ZNFX1: variants seen among roughly 807,000 people sequenced by gnomAD.
The protein encoded by ZNFX1 is zinc finger NFX1-type containing 1.
A neutral mutation model predicts 179.8 loss-of-function variants in ZNFX1; 78 were observed. The observed-to-expected ratio is 0.43, with a 90% CI of 0.36 to 0.52. ZNFX1 has a LOEUF of 0.52. Among genes scored for constraint, ZNFX1 ranks in the 20% least tolerant of loss-of-function variants. The pLI, the probability that ZNFX1 is intolerant of heterozygous loss-of-function variation, is 0.00. For missense variants in ZNFX1, 1,927 were observed against 2,386.6 expected, an observed-to-expected ratio of 0.81 and a Z score of 4.01; for synonymous variants, 848 against 868.5, an observed-to-expected ratio of 0.98 and a Z score of 0.42.
chr20:49,262,040 TAA>T (rs11478099), intron 6 of ZNFX1, among the ~76,000 whole-genome samples: 4,100 of 148,646 alleles, frequency 0.028, 199 homozygotes, highest in African/African-American at 0.095. Flanking sequence ...ATCATATTGT[TAA>T]AAAAAAAAAA....
At position 49,251,589 on chromosome 20, in the gene ZNFX1, T is replaced by C. The variant is rs1432304992; in HGVS notation, c.3250A>G (p.Thr1084Ala). 1 of 1,611,916 alleles carries C rather than the reference T, an allele frequency of 6.2e-7. No homozygotes were observed. The highest frequency in any genetic ancestry group is 8.5e-7 in the Non-Finnish European group (1 of 1,179,068). The change falls in exon 13 of 14, where the codon ACC (threonine) becomes GCC (alanine). Residue 1084 changes from threonine to alanine, a missense_variant. Coordinates refer to ENST00000396105, the MANE Select transcript of ZNFX1 (RefSeq NM_021035.3). ...RMCPEIARLLTPHIYQDLENH... is the reference protein window; with the variant it reads ...RMCPEIARLLAPHIYQDLENH... Reference sequence around the variant, plus strand: ...TCCAGATCCTGGTAAATGTGGGGGGTCAAAAGGCGGGCAATTTCAGGGCAC... The same window carrying C: ...TCCAGATCCTGGTAAATGTGGGGGGCCAAAAGGCGGGCAATTTCAGGGCAC...
At chr20:49,263,282 C>T in intron 6 of ZNFX1, 52 bp downstream of exon 6, 1 of 1,591,238 alleles carries the variant, frequency 6.3e-7, no homozygotes. Flanking sequence ...TGGAGGCTAC[C>T]TCAAAGTACT....
chr20:49,275,438 T>C (rs1250066187), intron 2 of ZNFX1, among the ~76,000 whole-genome samples: 2 of 152,094 alleles, frequency 1.3e-5, no homozygotes, highest in Non-Finnish European at 2.9e-5. Context: ...CACCCCTTCC[T>C]GAGGTTCAAG....
chr20:49,264,693 G>A (rs1981194656), intron 5 of ZNFX1, 23 bp downstream of exon 5: 3 of 1,612,364 alleles, frequency 1.9e-6, no homozygotes, highest in African/African-American at 1.3e-5. Flanking sequence ...AACTACCCCA[G>A]ATATTTCAGA....
At chr20:49,263,214 A>T in intron 6 of ZNFX1, 120 bp downstream of exon 6, 1 of 1,269,372 alleles carries the variant, frequency 7.9e-7, no homozygotes, top group Non-Finnish European at 1.1e-6. Context: ...AGGGAACTTT[A>T]CACATTGTGG....
intron 11 of ZNFX1, among the ~76,000 whole-genome samples, chr20:49,253,230 C>G (rs1343204821): frequency 6.6e-6 from 1 of 152,064 alleles, no homozygotes; most frequent in African/African-American, 2.4e-5. Context: ...CTTTGTGGGC[C>G]ACTTTAAGAA....
chr20:49,266,668 A>ACCCCC (rs76320074), intron 3 of ZNFX1, among the ~76,000 whole-genome samples: 1 of 61,036 alleles, frequency 1.6e-5, no homozygotes, highest in African/African-American at 6.9e-5. Context: ...CATCCCCCCC[A>ACCCCC]CCCCCCCCTT....
At chr20:49,267,021 C>G (rs968756256) in intron 3 of ZNFX1, among the ~76,000 whole-genome samples, 4 of 152,170 alleles carry the variant, frequency 2.6e-5, no homozygotes, top group Non-Finnish European at 4.4e-5. Context: ...CTCAGCCTCC[C>G]AAGTAGCTGG....
At chr20:49,253,917 C>A in intron 10 of ZNFX1, 106 bp from the exon 11 acceptor site, 1 of 1,335,910 alleles carries the variant, frequency 7.5e-7, no homozygotes, top group South Asian at 1.3e-5. Flanking sequence ...GAACCTGCAT[C>A]AGCGACAGCT....
rs151164107 is a variant in ZNFX1 at position 49,271,641 on chromosome 20, G to A, written c.171C>T (p.Asn57=). 6.2e-7 allele frequency: 1 copy of A among 1,613,984 alleles called. No homozygotes were observed. The highest frequency in any genetic ancestry group is 1.1e-5 in the South Asian group (1 of 91,080). Residue 57 remains asparagine, a synonymous_variant, in exon 3 of 14, where the codon AAC becomes AAT. Transcript: ENST00000396105. ...ASHPGRHPRA[N]NHPAAYWQRE... ...TCTGCCAGTAAGCAGCAGGATGGTT[G>A]TTGGCCCTAGGATGCCTTCCAGGGT...
chr20:49,258,851 C>A (rs2146734149), intron 7 of ZNFX1, among the ~76,000 whole-genome samples: 1 of 151,640 alleles, frequency 6.6e-6, no homozygotes, highest in East Asian at 2.0e-4. Context: ...TGCCTGTAAT[C>A]CCAGCACTCT....
At chr20:49,252,581 AAC>A (rs1371443192) in intron 12 of ZNFX1, 137 bp downstream of exon 12, 1 of 610,522 alleles carries the variant, frequency 1.6e-6, no homozygotes, top group African/African-American at 1.8e-5. Context: ...GGTGTTTTAA[AAC>A]AGAAAATGTA....
Position 49,248,135 on chromosome 20 carries a change from A to G in ZNFX1, c.4889T>C (p.Leu1630Pro), listed in dbSNP as rs775657095. The G allele has an allele frequency of 1.2e-6, 2 of 1,614,052 alleles. No individual in the cohort carries two copies. The highest frequency in any genetic ancestry group is 2.2e-5 in the East Asian group (1 of 44,872). The change falls in exon 14 of 14, where the codon CTG becomes CCG. Residue 1630 changes from leucine to proline, a missense_variant. By Grantham distance (98) the Leu-to-Pro change is moderately conservative (BLOSUM62 -3). Coordinates refer to ENST00000396105, the MANE Select transcript of ZNFX1 (RefSeq NM_021035.3). The surrounding 1 kb of genome is among the most constrained non-coding windows in gnomAD (Gnocchi z 4.6). ...CTGTTTTATGCTAGTTCCATACCTCAGGTTTTTGCGGATGGGCACCTGGCA... is the reference window on the plus strand; with the variant it reads ...CTGTTTTATGCTAGTTCCATACCTCGGGTTTTTGCGGATGGGCACCTGGCA... The part of the protein sequence containing the change: ...PICQVPIRKN[L>P]RYGTSIKQRL...
chr20:49,247,218 G>A lies in ZNFX1; in HGVS notation c.*49C>T. 6.5e-7 allele frequency: 1 copy of A among 1,546,754 alleles called. No homozygotes were observed. Among genetic ancestry groups the A allele is most frequent in the Non-Finnish European group, 8.7e-7 (1 of 1,147,270 alleles). On this transcript the variant is annotated 3_prime_UTR_variant, in exon 14 of 14. Coordinates refer to ENST00000396105, the MANE Select transcript of ZNFX1 (RefSeq NM_021035.3). ...CTTCAGTTCCTTCATTAGGGAGCTG[G>A]CCCCAGTCATTCAGTGGCGAGGGCA...
chr20:49,257,391 G>A (rs1980993892), intron 8 of ZNFX1, 26 bp downstream of exon 8: 2 of 1,613,302 alleles, frequency 1.2e-6, no homozygotes, highest in Non-Finnish European at 1.7e-6. Flanking sequence ...TCTCAGGCCT[G>A]TTTCAACCCA....
chr20:49,259,343 C>T (rs1046901951), intron 7 of ZNFX1, among the ~76,000 whole-genome samples: 2 of 151,876 alleles, frequency 1.3e-5, no homozygotes, highest in African/African-American at 4.8e-5. Flanking sequence ...TTTTATATTA[C>T]TCATTTCCTT....
rs370310796 is a variant in ZNFX1, at chr20:49,249,613, C to T, written c.3411G>A (p.Val1137=). Residue 1137 remains valine, a synonymous_variant, in exon 14 of 14, where the codon GTG becomes GTA. Transcript: ENST00000396105. ...SHQNQHEAHF[V]VELCKYFLCQ... is the part of the protein sequence containing the mutation. ...ACAGGAAGTACTTGCACAGCTCTAC[C>T]ACAAAGTGAGCCTCATGCTGGTTCT... 9.0e-5 allele frequency: 146 copies of T among 1,614,210 alleles called. 2 individuals are homozygous for T. The highest frequency in any genetic ancestry group is 8.5e-4 in the South Asian group (77 of 91,086).
At position 49,249,502 on chromosome 20, in the gene ZNFX1, C is replaced by G. The variant is rs142834498; in HGVS notation, c.3522G>C (p.Lys1174Asn). 1.9e-5 allele frequency: 30 copies of G among 1,614,124 alleles called. No individual in the cohort carries two copies. Among genetic ancestry groups the G allele is most frequent in the Non-Finnish European group, 2.4e-5 (28 of 1,180,058 alleles). The change falls in exon 14 of 14, where the codon AAG becomes AAC. Residue 1174 changes from lysine to asparagine, a missense_variant. Coordinates refer to ENST00000396105, the MANE Select transcript of ZNFX1 (RefSeq NM_021035.3). ...CATGGACCCTGACGCCAGCAAATGTCTTGGCAGGCATCAGTTTGCGCAGGC... is the reference window on the plus strand; with the variant it reads ...CATGGACCCTGACGCCAGCAAATGTGTTGGCAGGCATCAGTTTGCGCAGGC... ...LFCLRKLMPA[K>N]TFAGVRVHVV...
rs776307103 is a variant in ZNFX1 at position 49,271,541 on chromosome 20, C to T, written c.271G>A (p.Glu91Lys). ...RRNQEGHASD[E>K]ARDQRHDQEN... ...TGGTCATGTCTTTGGTCTCTAGCTTCGTCGCTGGCATGCCCCTCCTGGTTC... is the reference window on the plus strand; with the variant it reads ...TGGTCATGTCTTTGGTCTCTAGCTTTGTCGCTGGCATGCCCCTCCTGGTTC... Residue 91 changes from glutamate (E) to lysine (K), a missense_variant, in exon 3 of 14, where the codon GAA becomes AAA. By Grantham distance (56) the Glu-to-Lys change is moderately conservative. Coordinates refer to ENST00000396105, the MANE Select transcript of ZNFX1 (RefSeq NM_021035.3). 23 of 1,614,048 alleles carry T rather than the reference C, an allele frequency of 1.4e-5. No individual in the cohort carries two copies. Among genetic ancestry groups the T allele is most frequent in the African/African-American group, 9.3e-5 (7 of 74,914 alleles).
Sources: allele counts gnomAD v4.1 joint callset (sites outside exome capture counted in the v4.1 genomes callset), GRCh38; gene constraint gnomAD v4.1.1; non-coding constraint Gnocchi (gnomAD v3.1); transcripts MANE v1.5; gene names NCBI Gene and HGNC (gene_info 2026-07-23, HGNC 2026-07-21).